TMEM67: variants seen among roughly 807,000 people sequenced by gnomAD.
TMEM67 encodes transmembrane protein 67.
In TMEM67, 124 loss-of-function variants were observed where a neutral mutation model predicts 136.6. That is an observed-to-expected ratio of 0.91 (90% CI 0.78 to 1.05). The LOEUF (loss-of-function observed/expected upper bound fraction) is 1.05, where lower values mean the gene tolerates loss of function less well. TMEM67 is among the 50% of genes least tolerant of loss of function. The pLI, the probability that TMEM67 is intolerant of heterozygous loss-of-function variation, is 0.00. For missense variants in TMEM67, 1,107 were observed against 1,178.4 expected, an observed-to-expected ratio of 0.94 and a Z score of 0.89; for synonymous variants, 364 against 390.5, an observed-to-expected ratio of 0.93 and a Z score of 0.80.
At chr8:93,798,819 C>T (rs1814736765) in intron 20 of TMEM67, among the ~76,000 whole-genome samples, 1 of 152,022 alleles carries the variant, frequency 6.6e-6, no homozygotes, top group African/African-American at 2.4e-5. Context: ...CTTAAATGGA[C>T]AGATAAAAAT....
At position 93,804,768 on chromosome 8, in the gene TMEM67, G is replaced by C; in HGVS notation, c.2329G>C (p.Val777Leu). ...TTTTATTCTCTTTTTATAGATATCA[G>C]TGTTTCTGTTATCCCACAAATGTTT... ...VDLCSMSNIS[V>L]FLLSHKCFGY... is the part of the protein sequence containing the mutation. The change falls in exon 23 of 28, where the codon GTG (valine) becomes CTG (leucine). Residue 777 changes from valine (V) to leucine (L), a missense_variant. Transcript: ENST00000453321. The C allele has an allele frequency of 6.4e-7, 1 of 1,567,592 alleles. No individual in the cohort carries two copies. Among genetic ancestry groups the C allele is most frequent in the Non-Finnish European group, 8.8e-7 (1 of 1,138,446 alleles).
At chr8:93,800,712 C>T (rs1814834856) in intron 21 of TMEM67, among the ~76,000 whole-genome samples, 1 of 152,106 alleles carries the variant, frequency 6.6e-6, no homozygotes, top group African/African-American at 2.4e-5. Flanking sequence ...TCAGAGTTCA[C>T]GTTCTTGTCA....
chr8:93,772,676 T>C (rs893532656), intron 7 of TMEM67, 25 bp downstream of exon 7: 2 of 1,563,914 alleles, frequency 1.3e-6, no homozygotes, highest in South Asian at 2.3e-5. Flanking sequence ...TTTAAATAAA[T>C]TTCATTTTAT....
intron 10 of TMEM67, among the ~76,000 whole-genome samples, chr8:93,782,020 G>A (rs1035450425): frequency 1.3e-5 from 2 of 151,988 alleles, no homozygotes; most frequent in Non-Finnish European, 2.9e-5. Flanking sequence ...GCGGGTTCAC[G>A]CCATTCTCCT....
chr8:93,812,391 G>A (rs2130790767), intron 26 of TMEM67, among the ~76,000 whole-genome samples: 1 of 152,284 alleles, frequency 6.6e-6, no homozygotes, highest in Non-Finnish European at 1.5e-5. Context: ...GCCAAGGCAG[G>A]CGGTCACTTG....
the TMEM67 span, among the ~76,000 whole-genome samples, chr8:93,824,621 CT>C: frequency 6.6e-6 from 1 of 152,112 alleles, no homozygotes; most frequent in East Asian, 1.9e-4. Flanking sequence ...ACTTTGAATT[CT>C]GACAGGGCTG....
chr8:93,786,489 G>A lies in TMEM67; in HGVS notation c.1412+143G>A, dbSNP rs1448413890. On this transcript the variant is annotated intron_variant, in intron 13 of 27. Coordinates refer to ENST00000453321, the MANE Select transcript of TMEM67 (RefSeq NM_153704.6). Reference sequence around the variant, plus strand: ...TTAGGTGTATGTGTAGATTGGCATAGACCAGTAAAAGTGAATAGCCAAGGG... The same window carrying A: ...TTAGGTGTATGTGTAGATTGGCATAAACCAGTAAAAGTGAATAGCCAAGGG... 4.3e-6 allele frequency: 4 copies of A among 936,066 alleles called. No homozygotes were observed. In the Admixed American group the frequency reaches 8.3e-5, roughly 19 times the overall value. 58.0% of individuals were successfully genotyped at this position (936,066 alleles called of 1,614,324 possible). A position where few individuals can be genotyped will look rare whatever the true frequency, so the allele number is the denominator to read the frequency against.
At chr8:93,823,639 T>A (rs981536317), downstream of TMEM67, among the ~76,000 whole-genome samples, 5 of 152,166 alleles carry the variant, frequency 3.3e-5, no homozygotes, top group African/African-American at 9.7e-5. Flanking sequence ...AGGAACAGCA[T>A]GTGCAAAGGC....
intron 7 of TMEM67, among the ~76,000 whole-genome samples, chr8:93,777,082 G>T (rs1450695720): frequency 6.6e-6 from 1 of 152,158 alleles, no homozygotes; most frequent in Admixed American, 6.5e-5. Flanking sequence ...AGTCTTGGGA[G>T]GGTGTATGTG....
chr8:93,796,484 A>G (rs538060174), intron 18 of TMEM67, among the ~76,000 whole-genome samples: 68 of 152,210 alleles, frequency 4.5e-4, no homozygotes, highest in Non-Finnish European at 7.6e-4. Context: ...TCCTTATCCT[A>G]TTTTACTGTG....
intron 22 of TMEM67, 71 bp downstream of exon 22, chr8:93,803,755 G>A (rs1385939646): frequency 6.5e-6 from 6 of 929,262 alleles, no homozygotes; most frequent in Non-Finnish European, 1.1e-5. Context: ...TGTTAAGAGA[G>A]ACTTTAAAAG....
intron 23 of TMEM67, among the ~76,000 whole-genome samples, chr8:93,808,220 AATAT>A (rs928224824): frequency 6.8e-6 from 1 of 146,948 alleles, no homozygotes; most frequent in Non-Finnish European, 1.5e-5. Flanking sequence ...TCTACCTAAA[AATAT>A]ATATATGCTC....
rs1267841725 is a variant in TMEM67 at position 93,785,260 on chromosome 8, C to T, written c.1170C>T (p.Pro390=). ...IPISKILIDF[P]TPIFYDVYLE... ...TCTCTAAGATCTTAATTGACTTTCCCACTCCTATATTTTATGATGTGTACC... is the reference window on the plus strand; with the variant it reads ...TCTCTAAGATCTTAATTGACTTTCCTACTCCTATATTTTATGATGTGTACC... Residue 390 remains proline, a synonymous_variant, in exon 12 of 28, where the codon CCC becomes CCT. Coordinates refer to ENST00000453321, the MANE Select transcript of TMEM67 (RefSeq NM_153704.6). The T allele has an allele frequency of 1.9e-6, 3 of 1,598,158 alleles. No homozygotes were observed. The highest frequency in any genetic ancestry group is 2.6e-6 in the Non-Finnish European group (3 of 1,166,812).
chr8:93,813,052 T>C (rs1808762457), intron 26 of TMEM67, among the ~76,000 whole-genome samples: 1 of 151,864 alleles, frequency 6.6e-6, no homozygotes, highest in African/African-American at 2.4e-5. Flanking sequence ...TTTTTAATAA[T>C]ACAATCATCA....
chr8:93,780,866 GT>G lies in TMEM67; in HGVS notation c.870-5del, dbSNP rs1563458606. The G allele has an allele frequency of 6.2e-7, 1 of 1,607,424 alleles. No homozygotes were observed. The highest frequency in any genetic ancestry group is 8.5e-7 in the Non-Finnish European group (1 of 1,175,498). On this transcript the variant is annotated splice_polypyrimidine_tract_variant and splice_region_variant and intron_variant, in intron 8 of 27. Coordinates refer to ENST00000453321, the MANE Select transcript of TMEM67 (RefSeq NM_153704.6). ...CTCCATTATTAAAACAGTTGTAACT[GT>G]TTATAGGAGACAGAATCTTCCTTGG...
intron 2 of TMEM67, among the ~76,000 whole-genome samples, chr8:93,757,713 A>G (rs564404705): frequency 1.7e-3 from 258 of 152,020 alleles, no homozygotes; most frequent in Non-Finnish European, 3.2e-3. Flanking sequence ...TTTAACAACT[A>G]TGTGTATAAT....
intron 7 of TMEM67, among the ~76,000 whole-genome samples, chr8:93,779,532 T>A (rs1249590657): frequency 6.6e-6 from 1 of 152,138 alleles, no homozygotes. Flanking sequence ...GACCTACAGA[T>A]GGGGTTTTGA....
rs1303516077 is a variant in TMEM67, at chr8:93,755,083, A to G, written c.169A>G (p.Ile57Val). 2 of 1,613,918 alleles carry G rather than the reference A, an allele frequency of 1.2e-6. No homozygotes were observed. Among genetic ancestry groups the G allele is most frequent in the African/African-American group, 2.7e-5 (2 of 74,852 alleles). The change falls in exon 1 of 28, where the codon ATC becomes GTC. Residue 57 changes from isoleucine (I) to valine (V), a missense_variant. By Grantham distance (29) the Ile-to-Val change is conservative (BLOSUM62 3). Transcript: ENST00000453321. The stretch of plus-strand genomic sequence containing the variant: ...GTGCGACAACAACCAGTACTTTGAT[A>G]TCTCCGCCCTCTCGTGTGTTCCTTG... ...EKCDNNQYFDISALSCVPCGA... is the reference protein window; with the variant it reads ...EKCDNNQYFDVSALSCVPCGA...
At chr8:93,802,902 A>C (rs960067445) in intron 21 of TMEM67, among the ~76,000 whole-genome samples, 1 of 152,186 alleles carries the variant, frequency 6.6e-6, no homozygotes, top group Non-Finnish European at 1.5e-5. Context: ...GGAACAAATG[A>C]CAGATTGTGC....
Sources: allele counts gnomAD v4.1 joint callset (sites outside exome capture counted in the v4.1 genomes callset), GRCh38; gene constraint gnomAD v4.1.1; transcripts MANE v1.5; gene names NCBI Gene and HGNC (gene_info 2026-07-23, HGNC 2026-07-21).